The following PREPL variants were observed in gnomAD, a reference collection of about 807,000 sequenced individuals.
PREPL encodes the protein prolyl endopeptidase like.
Under a neutral mutation model 70.6 loss-of-function variants are expected in PREPL, and 77 were observed. The ratio of observed to expected loss-of-function variants is 1.09; its 90% CI spans 0.91 to 1.32. The LOEUF is 1.32. Ranked by LOEUF, PREPL falls within the 40% of genes most tolerant of loss-of-function variation. PREPL has a pLI of 0.00. For missense variants in PREPL, 1,002 were observed against 778.2 expected (o/e 1.29, Z -3.42); for synonymous variants, 315 against 264.8 (o/e 1.19, Z -1.84).
rs188450591 is a variant in PREPL at position 44,350,033 on chromosome 2, T to A, written c.-48-3643A>T. Among the ~76,000 whole-genome samples, 395 of 152,294 alleles carry A rather than the reference T, an allele frequency of 2.6e-3. 1 individual carries two copies. Among genetic ancestry groups the A allele is most frequent in the African/African-American group, 7.6e-3 (317 of 41,562 alleles). Reference sequence around the variant, plus strand: ...TCTTGGATCTTCAAGAAACAGCTAATCTTTTCATACGTCAACTATTTAAAA... The same window carrying A: ...TCTTGGATCTTCAAGAAACAGCTAAACTTTTCATACGTCAACTATTTAAAA... On this transcript the variant is annotated intron_variant, in intron 1 of 13. Coordinates refer to ENST00000409411, the MANE Select transcript of PREPL (RefSeq NM_001171613.2).
chr2:44,349,002 A>G (rs1676118193), intron 1 of PREPL, among the ~76,000 whole-genome samples: 1 of 152,136 alleles, frequency 6.6e-6, no homozygotes, highest in South Asian at 2.1e-4. Context: ...TGAGGTAAGG[A>G]TGGCTTTACC....
Position 44,346,406 on chromosome 2 carries a change from T to G in PREPL, c.-48-16A>C. ...GCTGAAGATCCTGGAAAAAGTTTTG[T>G]TATGATCAAAATATTTCAAACTAGG... On this transcript the variant is annotated splice_polypyrimidine_tract_variant and intron_variant, in intron 1 of 13. Coordinates refer to ENST00000409411, the MANE Select transcript of PREPL (RefSeq NM_001171613.2). 3 of 1,609,554 alleles carry G rather than the reference T, an allele frequency of 1.9e-6. No individual in the cohort carries two copies. Among genetic ancestry groups the G allele is most frequent in the Non-Finnish European group, 1.7e-6 (2 of 1,178,544 alleles).
At chr2:44,323,928 A>G (rs1673234560) in intron 10 of PREPL, among the ~76,000 whole-genome samples, 1 of 152,218 alleles carries the variant, frequency 6.6e-6, no homozygotes, top group South Asian at 2.1e-4. Flanking sequence ...CTCCTGGCAT[A>G]TAATCCCCAA....
intron 2 of PREPL, among the ~76,000 whole-genome samples, chr2:44,345,873 G>A (rs964687474): frequency 2.0e-5 from 3 of 152,122 alleles, no homozygotes; most frequent in African/African-American, 7.2e-5. Flanking sequence ...TGGGCATGGT[G>A]GCTCACACCT....
In PREPL at chr2:44,322,600, T is replaced by C. The variant is rs546428469; in HGVS notation, c.1753+131A>G. ...GTACACTTTAACTGGGGAGTCAACA[T>C]AGCAAAATAATTGTTTGCCCTAAAT... On this transcript the variant is annotated intron_variant, in intron 12 of 13. Transcript: ENST00000409411. 11 of 1,247,418 alleles carry C rather than the reference T, an allele frequency of 8.8e-6. No individual in the cohort carries two copies. The East Asian group carries it at 9.4e-5, about 11-fold the overall frequency. 77.3% of individuals were successfully genotyped at this position (1,247,418 alleles called of 1,614,324 possible).
At position 44,326,903 on chromosome 2, in the gene PREPL, A is replaced by C. The variant is rs765672449; in HGVS notation, c.1288T>G (p.Trp430Gly). Residue 430 changes from tryptophan (W) to glycine (G), a missense_variant, in exon 10 of 14, where the codon TGG (tryptophan) becomes GGG (glycine). Physicochemically the swap from Trp to Gly is radical, Grantham distance 184. Transcript: ENST00000409411. Reference sequence around the variant, plus strand: ...TTAGTTAGGCGGCCATCAGCGTGCCACTGGAGGCCTAACTCACCACCACCT... The same window carrying C: ...TTAGTTAGGCGGCCATCAGCGTGCCCCTGGAGGCCTAACTCACCACCACCT... ...VRGGGELGLQWHADGRLTKKL... is the reference protein window; with the variant it reads ...VRGGGELGLQGHADGRLTKKL... The C allele has an allele frequency of 6.2e-7, 1 of 1,614,148 alleles. No individual in the cohort carries two copies. Among genetic ancestry groups the C allele is most frequent in the Non-Finnish European group, 8.5e-7 (1 of 1,180,008 alleles).
At chr2:44,342,627 TC>T in intron 4 of PREPL, 75 bp from the exon 5 acceptor site, 1 of 1,197,000 alleles carries the variant, frequency 8.4e-7, no homozygotes, top group African/African-American at 1.5e-5. Flanking sequence ...CACAGCACAT[TC>T]TAATTTTGAA....
chr2:44,361,016 A>T (rs1572603829), intron 1 of PREPL, among the ~76,000 whole-genome samples: 2 of 152,304 alleles, frequency 1.3e-5, no homozygotes, highest in South Asian at 4.1e-4. Flanking sequence ...CTAGTTTACT[A>T]GCCGACACTA....
chr2:44,355,519 A>G (rs1407798860), intron 1 of PREPL, among the ~76,000 whole-genome samples: 1 of 152,182 alleles, frequency 6.6e-6, no homozygotes, highest in East Asian at 1.9e-4. Context: ...ACTGCACTAC[A>G]GACTGGGTGA....
In PREPL at chr2:44,351,793, C is replaced by T. The variant is rs542836412; in HGVS notation, c.-48-5403G>A. 3.9e-5 allele frequency among the ~76,000 whole-genome samples: 6 copies of T among 152,318 alleles called. No homozygotes were observed. The East Asian group carries it at 7.7e-4, about 20-fold the overall frequency. On this transcript the variant is annotated intron_variant, in intron 1 of 13. Coordinates refer to ENST00000409411, the MANE Select transcript of PREPL (RefSeq NM_001171613.2). ...AGCCCAAAAGCTTTCTCTGCTTCTG[C>T]GCTTGCCTCCTGGTCTATTTTCAAC... is the stretch of plus-strand genomic sequence containing the variant.
Position 44,339,265 on chromosome 2 carries a change from C to G in PREPL, c.584G>C (p.Ser195Thr). ...GATAAGTACTGGTGGGTCCCAAGGG[C>G]TCAGGCCATCTATCAACCACACTTC... ...TSEVWLIDGL[S>T]PWDPPVLIQK... Residue 195 changes from serine to threonine, a missense_variant, in exon 6 of 14, where the codon AGC (serine) becomes ACC (threonine). Coordinates refer to ENST00000409411, the MANE Select transcript of PREPL (RefSeq NM_001171613.2). 6.2e-7 allele frequency: 1 copy of G among 1,614,058 alleles called. No homozygotes were observed. The highest frequency in any genetic ancestry group is 8.5e-7 in the Non-Finnish European group (1 of 1,180,006).
In PREPL at chr2:44,320,890, AG is replaced by A. The variant is rs1440037783; in HGVS notation, c.*465del. The A allele has an allele frequency of 2.0e-6, 1 of 501,428 alleles. No homozygotes were observed. The highest frequency in any genetic ancestry group is 3.6e-6 in the Non-Finnish European group (1 of 280,350). 31.1% of individuals were successfully genotyped at this position (501,428 alleles called of 1,614,324 possible). On this transcript the variant is annotated 3_prime_UTR_variant, in exon 14 of 14. Transcript: ENST00000409411. ...CAATCAGGGATGACCAGAACACATT[AG>A]GACCCCAGATTATTCAAAAACTTTA... is the stretch of plus-strand genomic sequence containing the variant.
chr2:44,342,189 T>A lies in PREPL; in HGVS notation c.485+228A>T, dbSNP rs2304770. ...ATGAACTATGTTGTAATTCACAAAA[T>A]CAATTTCAGTTTTTAATAAAATATT... On this transcript the variant is annotated intron_variant, in intron 5 of 13. Coordinates refer to ENST00000409411, the MANE Select transcript of PREPL (RefSeq NM_001171613.2). Among the ~76,000 whole-genome samples, 94,604 of 151,940 alleles carry A rather than the reference T, an allele frequency of 0.62. 30,006 individuals are homozygous for A. Among genetic ancestry groups the A allele is most frequent in the Non-Finnish European group, 0.68 (46,157 of 67,928 alleles).
intron 2 of PREPL, 32 bp from the exon 3 acceptor site, chr2:44,344,618 ATAATT>A: frequency 6.7e-7 from 1 of 1,493,280 alleles, no homozygotes. Context: ...TTACTTAATA[ATAATT>A]TAATTAACCT....
In PREPL at chr2:44,319,865, G is replaced by T. The variant is rs1672775144; in HGVS notation, c.*1491C>A. The stretch of plus-strand genomic sequence containing the variant: ...TGGCAGTTACAATATAGCACAGAAT[G>T]ACTATGCAAGTTAAATATTCATCTT... On this transcript the variant is annotated 3_prime_UTR_variant, in exon 14 of 14. Transcript: ENST00000409411. The T allele has an allele frequency of 3.7e-6, 1 of 273,382 alleles. No homozygotes were observed. 16.9% of individuals were successfully genotyped at this position (273,382 alleles called of 1,614,324 possible). A position where few individuals can be genotyped will look rare whatever the true frequency, so the allele number is the denominator to read the frequency against.
chr2:44,330,416 A>G (rs1312530174), intron 8 of PREPL, among the ~76,000 whole-genome samples: 1 of 152,198 alleles, frequency 6.6e-6, no homozygotes, highest in Non-Finnish European at 1.5e-5. Context: ...AATAATTGCA[A>G]CATTTTGATA....
chr2:44,344,393 A>T (rs773162059), intron 3 of PREPL, 127 bp downstream of exon 3: 4 of 762,712 alleles, frequency 5.2e-6, no homozygotes, highest in Non-Finnish European at 8.1e-6. Context: ...AAAACTAGTC[A>T]TTAAAAAAAA....
rs2241871 is a variant in PREPL, at chr2:44,321,474, T to C, written c.1828-29A>G. 0.68 allele frequency: 1,083,329 copies of C among 1,601,054 alleles called. 370,900 individuals are homozygous for C. Among genetic ancestry groups the C allele is most frequent in the African/African-American group, 0.76 (56,764 of 74,534 alleles). ...AAAGAAACACATTAAAAAAATTAAA[T>C]AGAAGGCCTTTGTAGTAAAATGCCA... is the stretch of plus-strand genomic sequence containing the variant. On this transcript the variant is annotated intron_variant, in intron 13 of 13. Transcript: ENST00000409411.
chr2:44,354,637 C>T (rs537801754), intron 1 of PREPL, among the ~76,000 whole-genome samples: 13 of 152,098 alleles, frequency 8.5e-5, no homozygotes, highest in East Asian at 3.9e-4. Context: ...TGCAGTGGCA[C>T]GATCTCAGAT....
Sources: allele counts gnomAD v4.1 joint callset (sites outside exome capture counted in the v4.1 genomes callset), GRCh38; gene constraint gnomAD v4.1.1; transcripts MANE v1.5; gene names NCBI Gene and HGNC (gene_info 2026-07-23, HGNC 2026-07-21).